Variants in PRKCH observed in about 807,000 individuals in gnomAD.
PRKCH encodes the protein protein kinase C eta type.
Under a neutral mutation model 82.5 loss-of-function variants are expected in PRKCH, and 28 were observed. That is an observed-to-expected ratio of 0.34 (90% CI 0.25 to 0.47). PRKCH has a LOEUF of 0.47. PRKCH is among the 20% of genes least tolerant of loss of function. The pLI is 1.00. For synonymous variants in PRKCH, 322 were observed against 327.4 expected (o/e 0.98, Z 0.18); for missense variants, 705 against 881.8 (o/e 0.80, Z 2.54).
intron 10 of PRKCH, among the ~76,000 whole-genome samples, chr14:61,497,436 T>C (rs1317316202): frequency 6.6e-6 from 1 of 152,200 alleles, no homozygotes; most frequent in East Asian, 1.9e-4. Context: ...AAACATTCTG[T>C]TTGCTACCAC....
At chr14:61,301,111 A>G (rs912743393) in intron 1 of PRKCH, among the ~76,000 whole-genome samples, 2 of 152,126 alleles carry the variant, frequency 1.3e-5, no homozygotes, top group East Asian at 1.9e-4. Flanking sequence ...TCTTTCGCCT[A>G]TTAAACTTCT....
At chr14:61,427,923 G>A (rs1042262419) in intron 2 of PRKCH, among the ~76,000 whole-genome samples, 1 of 151,948 alleles carries the variant, frequency 6.6e-6, no homozygotes, top group Non-Finnish European at 1.5e-5. Context: ...GCTGAGTGTG[G>A]TGGCTCACAC....
chr14:61,252,229 G>A (rs1326320953), intron 1 of PRKCH, among the ~76,000 whole-genome samples: 1 of 152,090 alleles, frequency 6.6e-6, no homozygotes, highest in Non-Finnish European at 1.5e-5. Flanking sequence ...TGCCTCCCTT[G>A]GTGTCATATC....
chr14:61,507,782 A>G (rs146854048), intron 10 of PRKCH, among the ~76,000 whole-genome samples: 1 of 152,260 alleles, frequency 6.6e-6, no homozygotes, highest in East Asian at 1.9e-4. Context: ...GGACAGAGAA[A>G]TGGGAAGATG....
chr14:61,232,152 G>A (rs2044750087), intron 1 of PRKCH, among the ~76,000 whole-genome samples: 2 of 152,184 alleles, frequency 1.3e-5, no homozygotes, highest in Non-Finnish European at 2.9e-5. Flanking sequence ...CCCCCACTAC[G>A]GTTTGAGTAA....
At chr14:61,372,115 T>C (rs540118261) in intron 1 of PRKCH, among the ~76,000 whole-genome samples, 31 of 152,152 alleles carry the variant, frequency 2.0e-4, no homozygotes, top group African/African-American at 6.5e-4. Flanking sequence ...ATCCTTATTC[T>C]TTCTGGCACT....
At chr14:61,408,067 G>T (rs1306589680) in intron 2 of PRKCH, among the ~76,000 whole-genome samples, 2 of 152,208 alleles carry the variant, frequency 1.3e-5, no homozygotes, top group Non-Finnish European at 2.9e-5. Flanking sequence ...TGGGCAGTGT[G>T]CAGTGGCCTT....
intron 10 of PRKCH, among the ~76,000 whole-genome samples, chr14:61,503,790 A>G (rs891208786): frequency 5.3e-5 from 8 of 152,112 alleles, no homozygotes; most frequent in Admixed American, 1.3e-4. Context: ...CTGTTTTCAT[A>G]AAAAGAAAGA....
chr14:61,276,266 T>C (rs895031982), intron 1 of PRKCH, among the ~76,000 whole-genome samples: 1 of 152,068 alleles, frequency 6.6e-6, no homozygotes, highest in African/African-American at 2.4e-5. Context: ...GAATGCCATC[T>C]AAAATCAGCC....
At chr14:61,308,105 G>T (rs2045495951) in intron 1 of PRKCH, among the ~76,000 whole-genome samples, 1 of 152,280 alleles carries the variant, frequency 6.6e-6, no homozygotes, top group Non-Finnish European at 1.5e-5. Context: ...CTCCCAGAGT[G>T]TTGGGATTAC....
intron 10 of PRKCH, among the ~76,000 whole-genome samples, chr14:61,520,123 C>A (rs2042884876): frequency 6.7e-6 from 1 of 148,906 alleles, no homozygotes. Flanking sequence ...TATGTAAACA[C>A]ATTTTAATGA....
At chr14:61,265,808 C>A (rs750335489) in intron 1 of PRKCH, among the ~76,000 whole-genome samples, 1 of 152,024 alleles carries the variant, frequency 6.6e-6, no homozygotes, top group Non-Finnish European at 1.5e-5. Context: ...CAAATAAGAG[C>A]CCCCAGCTGG....
chr14:61,499,385 GAA>G (rs1295538832), intron 10 of PRKCH, among the ~76,000 whole-genome samples: 1 of 152,166 alleles, frequency 6.6e-6, no homozygotes. Context: ...AGAAGTTAGT[GAA>G]ACCTAACAGG....
At chr14:61,395,306 G>A (rs2046761591) in intron 2 of PRKCH, among the ~76,000 whole-genome samples, 1 of 78,416 alleles carries the variant, frequency 1.3e-5, no homozygotes, top group Non-Finnish European at 2.8e-5. Flanking sequence ...CCCCGCATTT[G>A]CCTGCCACAG....
intron 1 of PRKCH, among the ~76,000 whole-genome samples, chr14:61,188,795 A>G (rs2044388548): frequency 6.7e-6 from 1 of 150,092 alleles, no homozygotes; most frequent in South Asian, 2.1e-4. Flanking sequence ...ATCTCGACTC[A>G]CTGCAACCTC....
chr14:61,415,029 AT>A (rs1440534869), intron 2 of PRKCH, among the ~76,000 whole-genome samples: 1 of 151,250 alleles, frequency 6.6e-6, no homozygotes, highest in African/African-American at 2.4e-5. Flanking sequence ...TTCAGGCCCC[AT>A]TTTTCCTGTG....
At chr14:61,203,197 A>G (rs2044496054) in intron 1 of PRKCH, among the ~76,000 whole-genome samples, 1 of 152,064 alleles carries the variant, frequency 6.6e-6, no homozygotes, top group African/African-American at 2.4e-5. Context: ...ATATCCTGCC[A>G]CTACCGCCAC....
chr14:61,428,112 C>CAT (rs112740584), intron 2 of PRKCH, among the ~76,000 whole-genome samples: 5,289 of 145,440 alleles, frequency 0.036, 304 homozygotes, highest in African/African-American at 0.11. Context: ...TATATACACA[C>CAT]ATATATATAT....
chr14:61,196,238 T>A (rs1253349780), intron 1 of PRKCH, among the ~76,000 whole-genome samples: 3 of 152,182 alleles, frequency 2.0e-5, no homozygotes, highest in Admixed American at 2.0e-4. Flanking sequence ...CACCTAGTGT[T>A]AAGAAGCAAA....
Sources: gnomAD v4.1 joint callset for allele counts (sites outside exome capture counted in the v4.1 genomes callset) on GRCh38, gnomAD v4.1.1 for gene constraint, MANE v1.5 for transcripts, NCBI Gene and HGNC (gene_info 2026-07-23, HGNC 2026-07-21) for gene names.